Variants in FIZ1 observed in about 807,000 individuals in gnomAD.
The protein encoded by FIZ1 is flt3-interacting zinc finger protein 1.
FIZ1 carries 2 observed loss-of-function variants against 5.3 expected under a neutral mutation model. That is an observed-to-expected ratio of 0.37 (90% CI 0.15 to 1.18). The LOEUF is 1.18. Among genes scored for constraint, FIZ1 ranks in the 50% most tolerant of loss-of-function variants. The pLI is 0.37. For synonymous variants in FIZ1, 407 were observed against 364.2 expected, an observed-to-expected ratio of 1.12 and a Z score of -1.34; for missense variants, 631 against 749.7, an observed-to-expected ratio of 0.84 and a Z score of 1.85.
chr19:55,593,362 G>C lies in FIZ1; in HGVS notation c.579C>G (p.Ala193=). 2.2e-6 allele frequency: 3 copies of C among 1,354,532 alleles called. No homozygotes were observed. The highest frequency in any genetic ancestry group is 2.8e-6 in the Non-Finnish European group (3 of 1,061,384). 83.9% of individuals were successfully genotyped at this position (1,354,532 alleles called of 1,614,324 possible). Residue 193 remains alanine, a synonymous_variant, in exon 3 of 3, where the codon GCC becomes GCG. Coordinates refer to ENST00000221665, the MANE Select transcript of FIZ1 (RefSeq NM_032836.3). This position sits in a 1 kb window ranked among gnomAD's most constrained non-coding sequence, Gnocchi z 6.3. ...ACGCAAATGGGGGCAAGGAGGCCGCGGCCGCAGCTGCCGCCTCTGCCAGCC... is the reference window on the plus strand; with the variant it reads ...ACGCAAATGGGGGCAAGGAGGCCGCCGCCGCAGCTGCCGCCTCTGCCAGCC... The part of the protein sequence containing the change: ...SWGLAEAAAA[A]AASLPPFACG...
Position 55,592,190 on chromosome 19 carries a change from G to A in FIZ1, c.*260C>T. 1 of 511,606 alleles carries A rather than the reference G, an allele frequency of 2.0e-6. No homozygotes were observed. Among genetic ancestry groups the A allele is most frequent in the Non-Finnish European group, 3.4e-6 (1 of 291,504 alleles). The allele number at this position is 511,606 out of a possible 1,614,324, so 31.7% of individuals were successfully genotyped here. On this transcript the variant is annotated 3_prime_UTR_variant, in exon 3 of 3. Coordinates refer to ENST00000221665, the MANE Select transcript of FIZ1 (RefSeq NM_032836.3). This position sits in a 1 kb window ranked among gnomAD's most constrained non-coding sequence, Gnocchi z 6.9. ...TACGGCTACCCACACTCATTCCAGG[G>A]ACCTCAGGCTCAGGAGTCTCTCCCT...
rs1399572199 is a variant in FIZ1 at position 55,592,690 on chromosome 19, G to C, written c.1251C>G (p.Ser417=). 3 of 1,613,102 alleles carry C rather than the reference G, an allele frequency of 1.9e-6. No individual in the cohort carries two copies. The highest frequency in any genetic ancestry group is 1.3e-5 in the African/African-American group (1 of 74,940). The change falls in exon 3 of 3, where the codon TCC becomes TCG. Residue 417 remains serine (S), a synonymous_variant. Coordinates refer to ENST00000221665, the MANE Select transcript of FIZ1 (RefSeq NM_032836.3). This position sits in a 1 kb window ranked among gnomAD's most constrained non-coding sequence, Gnocchi z 6.9. Reference sequence around the variant, plus strand: ...GTGAGCGGAACAGCTTCTCGCACTCGGAGCAGCCGAAGATCTTCTTGCCGC... The same window carrying C: ...GTGAGCGGAACAGCTTCTCGCACTCCGAGCAGCCGAAGATCTTCTTGCCGC... ...SGRGKKIFGC[S]ECEKLFRSPR... is the part of the protein sequence containing the mutation.
chr19:55,596,021 T>C (rs974010237), intron 2 of FIZ1, among the ~76,000 whole-genome samples: 3 of 152,144 alleles, frequency 2.0e-5, no homozygotes, highest in African/African-American at 7.2e-5. Flanking sequence ...CTATTTTTTT[T>C]CCCCCAGAGA....
intron 1 of FIZ1, 101 bp from the exon 2 acceptor site, chr19:55,598,002 C>A (rs1241323184): frequency 1.3e-5 from 16 of 1,262,204 alleles, no homozygotes; most frequent in African/African-American, 4.5e-5. Flanking sequence ...CTGGGAGACC[C>A]TCCCACTGCC....
chr19:55,592,963 C>A lies in FIZ1; in HGVS notation c.978G>T (p.Ser326=). 4 of 1,546,830 alleles carry A rather than the reference C, an allele frequency of 2.6e-6. No individual in the cohort carries two copies. Among genetic ancestry groups the A allele is most frequent in the Non-Finnish European group, 3.5e-6 (4 of 1,154,990 alleles). The change falls in exon 3 of 3, where the codon TCG becomes TCT. Residue 326 remains serine, a synonymous_variant. Coordinates refer to ENST00000221665, the MANE Select transcript of FIZ1 (RefSeq NM_032836.3). This position sits in a 1 kb window ranked among gnomAD's most constrained non-coding sequence, Gnocchi z 6.9. ...AGTCGCACTGGTACAGGGTGTCTTC[C>A]GAGGGCTCGGCGGCCGCCGCAGGTG... is the stretch of plus-strand genomic sequence containing the variant. ...APAPAAAAEP[S]EDTLYQCDCG... is the part of the protein sequence containing the mutation.
chr19:55,597,524 G>T, intron 2 of FIZ1, 48 bp downstream of exon 2: 1 of 1,576,874 alleles, frequency 6.3e-7, no homozygotes, highest in Non-Finnish European at 8.6e-7. Flanking sequence ...GGATCCCACC[G>T]TAGTCCTGAC....
In FIZ1 at chr19:55,593,205, G is replaced by T; in HGVS notation, c.736C>A (p.His246Asn). The change falls in exon 3 of 3, where the codon CAC becomes AAC. Residue 246 changes from histidine (H) to asparagine (N), a missense_variant. Coordinates refer to ENST00000221665, the MANE Select transcript of FIZ1 (RefSeq NM_032836.3). The surrounding 1 kb of genome is among the most constrained non-coding windows in gnomAD (Gnocchi z 6.3). ...CCCTGCAGGTCGTGCGTCAGCTTGT[G>T]CCGCTCCAGCAGCGCGGGCGCGTTG... is the stretch of plus-strand genomic sequence containing the variant. The part of the protein sequence containing the change: ...DFNAPALLER[H>N]KLTHDLQGPG... The T allele has an allele frequency of 8.2e-7, 1 of 1,212,440 alleles. No homozygotes were observed. The highest frequency in any genetic ancestry group is 1.0e-6 in the Non-Finnish European group (1 of 966,596). The allele number at this position is 1,212,440 out of a possible 1,614,324, so 75.1% of individuals were successfully genotyped here. A position where few individuals can be genotyped will look rare whatever the true frequency, so the allele number is the denominator to read the frequency against.
At position 55,591,723 on chromosome 19, in the gene FIZ1, GGGGT is replaced by G. The variant is rs1158064215; in HGVS notation, c.*723_*726del. The G allele has an allele frequency of 3.3e-5, 5 of 152,672 alleles. No homozygotes were observed. The highest frequency in any genetic ancestry group is 1.2e-4 in the African/African-American group (5 of 41,428). The allele number at this position is 152,672 out of a possible 1,614,324, so 9.5% of individuals were successfully genotyped here. On this transcript the variant is annotated 3_prime_UTR_variant, in exon 3 of 3. Coordinates refer to ENST00000221665, the MANE Select transcript of FIZ1 (RefSeq NM_032836.3). Reference sequence around the variant, plus strand: ...CTAGACCAGCCCATTCCATGTGATGGGGGTGTGTGCACATAGATCAGTCCATTCT... The same window carrying G: ...CTAGACCAGCCCATTCCATGTGATGGGTGTGCACATAGATCAGTCCATTCT...
At chr19:55,594,696 CAAAAA>C (rs71181796) in intron 2 of FIZ1, among the ~76,000 whole-genome samples, 2,713 of 86,970 alleles carry the variant, frequency 0.031, 68 homozygotes, top group African/African-American at 0.1. Context: ...GACTCTGTCT[CAAAAA>C]AAAAAAAAAA....
Position 55,593,232 on chromosome 19 carries a change from A to T in FIZ1, c.709T>A (p.Phe237Ile). Residue 237 changes from phenylalanine to isoleucine, a missense_variant, in exon 3 of 3, where the codon TTC becomes ATC. Physicochemically the swap from Phe to Ile is conservative, Grantham distance 21. Coordinates refer to ENST00000221665, the MANE Select transcript of FIZ1 (RefSeq NM_032836.3). This position sits in a 1 kb window ranked among gnomAD's most constrained non-coding sequence, Gnocchi z 6.3. ...PFKCPRCERDFNAPALLERHK... is the reference protein window; with the variant it reads ...PFKCPRCERDINAPALLERHK... ...CGCTCCAGCAGCGCGGGCGCGTTGA[A>T]GTCGCGCTCGCAGCGCGGGCACTTG... 1 of 1,244,268 alleles carries T rather than the reference A, an allele frequency of 8.0e-7. No homozygotes were observed. The highest frequency in any genetic ancestry group is 1.0e-6 in the Non-Finnish European group (1 of 984,280). The allele number at this position is 1,244,268 out of a possible 1,614,324, so 77.1% of individuals were successfully genotyped here.
chr19:55,598,069 C>T, intron 1 of FIZ1, 168 bp from the exon 2 acceptor site: 1 of 819,032 alleles, frequency 1.2e-6, no homozygotes, highest in South Asian at 1.9e-5. Flanking sequence ...CTTAGAAACC[C>T]TTCTCTCGCG....
rs940149845 is a variant in FIZ1, at chr19:55,593,197, C to T, written c.744G>A (p.Leu248=). The T allele has an allele frequency of 6.5e-5, 78 of 1,200,108 alleles. No individual in the cohort carries two copies. Among genetic ancestry groups the T allele is most frequent in the Non-Finnish European group, 7.8e-5 (75 of 959,870 alleles). The allele number at this position is 1,200,108 out of a possible 1,614,324, so 74.3% of individuals were successfully genotyped here. ...CGCCCGGGCCCTGCAGGTCGTGCGT[C>T]AGCTTGTGCCGCTCCAGCAGCGCGG... The part of the protein sequence containing the change: ...NAPALLERHK[L]THDLQGPGAP... The change falls in exon 3 of 3, where the codon CTG becomes CTA. Residue 248 remains leucine, a synonymous_variant. Coordinates refer to ENST00000221665, the MANE Select transcript of FIZ1 (RefSeq NM_032836.3). The surrounding 1 kb of genome is among the most constrained non-coding windows in gnomAD (Gnocchi z 6.3).
chr19:55,594,304 T>C (rs533216569), intron 2 of FIZ1, among the ~76,000 whole-genome samples: 9 of 143,444 alleles, frequency 6.3e-5, no homozygotes, highest in Non-Finnish European at 9.1e-5. Flanking sequence ...GAGGCTGAGG[T>C]AGAAGAATCA....
chr19:55,595,242 A>G (rs1432476804), intron 2 of FIZ1, among the ~76,000 whole-genome samples: 2 of 152,208 alleles, frequency 1.3e-5, no homozygotes, highest in Non-Finnish European at 2.9e-5. Flanking sequence ...AAGAAGGAAC[A>G]GGGAGTGATG....
rs1196454796 is a variant in FIZ1 at position 55,591,886 on chromosome 19, C to T, written c.*564G>A. ...ATCTACCCTGGTCCCTCTTTCAGCA[C>T]AGGGAATGAAAAAGGGGAAAGGCAG... On this transcript the variant is annotated 3_prime_UTR_variant, in exon 3 of 3. Coordinates refer to ENST00000221665, the MANE Select transcript of FIZ1 (RefSeq NM_032836.3). The T allele has an allele frequency of 6.5e-6, 1 of 152,734 alleles. No homozygotes were observed. Among genetic ancestry groups the T allele is most frequent in the Admixed American group, 6.5e-5 (1 of 15,268 alleles). 9.5% of individuals were successfully genotyped at this position (152,734 alleles called of 1,614,324 possible).
chr19:55,595,173 G>C (rs1980265287), intron 2 of FIZ1, among the ~76,000 whole-genome samples: 1 of 152,204 alleles, frequency 6.6e-6, no homozygotes, highest in Admixed American at 6.5e-5. Context: ...AGAAGGGTGA[G>C]GCTGGATGAG....
In FIZ1 at chr19:55,592,467, G is replaced by T; in HGVS notation, c.1474C>A (p.His492Asn). 1 of 1,576,778 alleles carries T rather than the reference G, an allele frequency of 6.3e-7. No homozygotes were observed. The change falls in exon 3 of 3, where the codon CAC (histidine) becomes AAC (asparagine). Residue 492 changes from histidine to asparagine, a missense_variant. His to Asn is a moderately conservative substitution (Grantham distance 68). Coordinates refer to ENST00000221665, the MANE Select transcript of FIZ1 (RefSeq NM_032836.3). The surrounding 1 kb of genome is among the most constrained non-coding windows in gnomAD (Gnocchi z 6.9). ...LSNLSRHLKL[H>N]RGMD is the part of the protein sequence containing the mutation. ...CCTGGCAGTCAGTCCATGCCCCGGT[G>T]CAGCTTCAGGTGCCTGGAGAGGTTG...
chr19:55,597,773 G>A lies in FIZ1; in HGVS notation c.93C>T (p.Ser31=). The change falls in exon 2 of 3, where the codon AGC becomes AGT. Residue 31 remains serine (S), a synonymous_variant. Transcript: ENST00000221665. Reference sequence around the variant, plus strand: ...GCCGCAGGTCTGAGCGGTAGCGGAAGCTCTTGCCACATTCACTGCAGTGAA... The same window carrying A: ...GCCGCAGGTCTGAGCGGTAGCGGAAACTCTTGCCACATTCACTGCAGTGAA... The part of the protein sequence containing the change: ...VPFHCSECGK[S]FRYRSDLRRH... The A allele has an allele frequency of 1.2e-6, 2 of 1,613,946 alleles. No individual in the cohort carries two copies. The highest frequency in any genetic ancestry group is 1.7e-6 in the Non-Finnish European group (2 of 1,179,938).
chr19:55,598,133 C>CTCCTCACTCCAT, intron 1 of FIZ1: 1 of 551,766 alleles, frequency 1.8e-6, no homozygotes. Flanking sequence ...CCTCACTCCA[C>CTCCTCACTCCAT]GGAGTGTTTT....
Sources: gnomAD v4.1 joint callset for allele counts (sites outside exome capture counted in the v4.1 genomes callset) on GRCh38, gnomAD v4.1.1 for gene constraint, Gnocchi (gnomAD v3.1) non-coding constraint, MANE v1.5 for transcripts, NCBI Gene and HGNC (gene_info 2026-07-23, HGNC 2026-07-21) for gene names.